Variants in MACROD2 observed in about 807,000 individuals in gnomAD.
MACROD2 encodes the protein mono-ADP ribosylhydrolase 2, also known as ADP-ribose glycohydrolase MACROD2.
A neutral mutation model predicts 70.4 loss-of-function variants in MACROD2; 36 were observed. The observed-to-expected ratio is 0.51, with a 90% CI of 0.39 to 0.68. MACROD2 has a LOEUF of 0.68. MACROD2 is among the 30% of genes least tolerant of loss of function. MACROD2 has a pLI of 0.00. For missense variants in MACROD2, 496 were observed against 538.4 expected (o/e 0.92, Z 0.78); for synonymous variants, 172 against 178.8 (o/e 0.96, Z 0.30).
chr20:14,091,722 A>G (rs2054152507), intron 3 of MACROD2, among the ~76,000 whole-genome samples: 4 of 152,280 alleles, frequency 2.6e-5, no homozygotes, highest in African/African-American at 9.6e-5. Flanking sequence ...AGGGCCATTC[A>G]GATTGTATTA....
chr20:15,460,949 A>G (rs2046799799), intron 7 of MACROD2, among the ~76,000 whole-genome samples: 1 of 140,936 alleles, frequency 7.1e-6, no homozygotes, highest in East Asian at 2.1e-4. Flanking sequence ...CATTATAAAT[A>G]GCTTCCCTTT....
chr20:15,825,915 T>G (rs950689438), intron 8 of MACROD2, among the ~76,000 whole-genome samples: 2 of 152,164 alleles, frequency 1.3e-5, no homozygotes, highest in African/African-American at 4.8e-5. Flanking sequence ...TTCAGCACCC[T>G]TCATTTATCT....
chr20:14,916,177 A>T (rs956622785), intron 5 of MACROD2, among the ~76,000 whole-genome samples: 1 of 152,190 alleles, frequency 6.6e-6, no homozygotes, highest in Non-Finnish European at 1.5e-5. Context: ...AGGCAGCATC[A>T]TGAAACGCAG....
intron 8 of MACROD2, among the ~76,000 whole-genome samples, chr20:15,755,254 G>T (rs1057040040): frequency 6.6e-6 from 1 of 152,196 alleles, no homozygotes; most frequent in South Asian, 2.1e-4. Flanking sequence ...TGAGCATAAG[G>T]CTGCTAAGTC....
intron 8 of MACROD2, among the ~76,000 whole-genome samples, chr20:15,585,856 A>T (rs2048592590): frequency 6.6e-6 from 1 of 152,110 alleles, no homozygotes; most frequent in African/African-American, 2.4e-5. Context: ...CTTCTGGGAA[A>T]ACCCATTACC....
chr20:15,399,510 A>G lies in MACROD2; in HGVS notation c.541-31895A>G, dbSNP rs1954982019. 3.3e-5 allele frequency among the ~76,000 whole-genome samples: 5 copies of G among 152,278 alleles called. No homozygotes were observed. The South Asian group carries it at 1.0e-3, about 32-fold the overall frequency. On this transcript the variant is annotated intron_variant, in intron 6 of 17. Coordinates refer to ENST00000684519, the MANE Select transcript of MACROD2 (RefSeq NM_001351661.2). ...CTGTTTCCTCGAGCATTTCCTGAAC[A>G]TTCCTCTTTGGTTATTTTATTATTT...
intron 5 of MACROD2, among the ~76,000 whole-genome samples, chr20:14,842,303 A>G (rs1442075059): frequency 6.6e-6 from 1 of 152,064 alleles, no homozygotes; most frequent in African/African-American, 2.4e-5. Context: ...CCCACCTCTC[A>G]AGATCACAAT....
At chr20:15,655,449 A>C (rs940872827) in intron 8 of MACROD2, among the ~76,000 whole-genome samples, 1 of 151,862 alleles carries the variant, frequency 6.6e-6, no homozygotes, top group African/African-American at 2.4e-5. Context: ...GAAAAGCTGA[A>C]TTTTCACAAG....
At chr20:15,626,937 G>A (rs1163241336) in intron 8 of MACROD2, among the ~76,000 whole-genome samples, 6 of 151,948 alleles carry the variant, frequency 3.9e-5, no homozygotes, top group Admixed American at 3.3e-4. Flanking sequence ...TAGATTTATT[G>A]CTGTGGAATT....
intron 3 of MACROD2, among the ~76,000 whole-genome samples, chr20:14,202,068 A>T (rs2081484445): frequency 6.6e-6 from 1 of 152,132 alleles, no homozygotes; most frequent in South Asian, 2.1e-4. Flanking sequence ...TATAAATAGG[A>T]GTCTTTTATC....
chr20:14,669,264 CA>C, intron 4 of MACROD2, among the ~76,000 whole-genome samples: 1 of 152,228 alleles, frequency 6.6e-6, no homozygotes, highest in Admixed American at 6.5e-5. Context: ...GTATGGAAAG[CA>C]GAGTGAATGG....
intron 6 of MACROD2, among the ~76,000 whole-genome samples, chr20:15,272,887 G>A (rs1251902310): frequency 1.3e-5 from 2 of 152,104 alleles, no homozygotes; most frequent in Non-Finnish European, 2.9e-5. Flanking sequence ...CTTTCCATTG[G>A]CTCCCACTAT....
At chr20:14,973,043 C>A (rs968642925) in intron 5 of MACROD2, among the ~76,000 whole-genome samples, 1 of 152,046 alleles carries the variant, frequency 6.6e-6, no homozygotes, top group Non-Finnish European at 1.5e-5. Context: ...TACATCCTAG[C>A]AAGCTGTTAT....
chr20:15,374,063 G>A (rs1278411947), intron 6 of MACROD2, among the ~76,000 whole-genome samples: 1 of 151,820 alleles, frequency 6.6e-6, no homozygotes, highest in Non-Finnish European at 1.5e-5. Context: ...AGTCATTGTT[G>A]CCTTTATCTC....
intron 2 of MACROD2, among the ~76,000 whole-genome samples, chr20:14,066,473 T>G (rs2053758681): frequency 6.6e-6 from 1 of 152,222 alleles, no homozygotes; most frequent in Non-Finnish European, 1.5e-5. Context: ...TGGCAAAATA[T>G]CAAAATGACA....
chr20:15,282,354 G>A (rs1304849018), intron 6 of MACROD2, among the ~76,000 whole-genome samples: 2 of 152,280 alleles, frequency 1.3e-5, no homozygotes, highest in African/African-American at 4.8e-5. Context: ...TTGTCAGGCT[G>A]CAAATTTTTC....
At chr20:14,770,643 G>A (rs567170353) in intron 5 of MACROD2, among the ~76,000 whole-genome samples, 11 of 151,964 alleles carry the variant, frequency 7.2e-5, no homozygotes, top group Middle Eastern at 3.4e-3. Flanking sequence ...AATGCATTGC[G>A]TGCTGACTAG....
At chr20:15,827,788 C>T (rs1194613610) in intron 8 of MACROD2, among the ~76,000 whole-genome samples, 3 of 152,158 alleles carry the variant, frequency 2.0e-5, no homozygotes, top group African/African-American at 7.2e-5. Context: ...CCTAACTAGC[C>T]ATTTGCATAG....
At chr20:15,978,424 A>G (rs995489458) in intron 13 of MACROD2, among the ~76,000 whole-genome samples, 1 of 152,134 alleles carries the variant, frequency 6.6e-6, no homozygotes, top group Non-Finnish European at 1.5e-5. Context: ...CCTATATTGT[A>G]AGCTGGTCAC....
Sources: allele counts gnomAD v4.1 joint callset (sites outside exome capture counted in the v4.1 genomes callset), GRCh38; gene constraint gnomAD v4.1.1; transcripts MANE v1.5; gene names NCBI Gene and HGNC (gene_info 2026-07-23, HGNC 2026-07-21).